HS6ST3: variants seen among roughly 807,000 people sequenced by gnomAD.
HS6ST3 encodes the protein heparan sulfate 6-O-sulfotransferase 3.
HS6ST3 carries 12 observed loss-of-function variants against 36.7 expected under a neutral mutation model. The ratio of observed to expected loss-of-function variants is 0.33; its 90% CI spans 0.21 to 0.53. HS6ST3 has a LOEUF of 0.53. Ranked by LOEUF, HS6ST3 falls within the 20% of genes least tolerant of loss-of-function variation. The pLI is 0.95. For synonymous variants in HS6ST3, 240 were observed against 257.5 expected, an observed-to-expected ratio of 0.93 and a Z score of 0.65; for missense variants, 584 against 640.9, an observed-to-expected ratio of 0.91 and a Z score of 0.96.
At chr13:96,778,603 A>T (rs944683900) in intron 1 of HS6ST3, among the ~76,000 whole-genome samples, 17 of 152,238 alleles carry the variant, frequency 1.1e-4, no homozygotes, top group African/African-American at 3.9e-4. Flanking sequence ...AAAAATGCAA[A>T]TCAAAACCGC....
intron 1 of HS6ST3, among the ~76,000 whole-genome samples, chr13:96,203,307 G>A (rs560417362): frequency 9.2e-5 from 14 of 152,232 alleles, no homozygotes; most frequent in African/African-American, 3.1e-4. Flanking sequence ...TTTACCAGCC[G>A]CGGCCTTCTC....
intron 1 of HS6ST3, among the ~76,000 whole-genome samples, chr13:96,133,381 C>T (rs961021756): frequency 2.0e-5 from 3 of 151,752 alleles, no homozygotes; most frequent in Non-Finnish European, 4.4e-5. Context: ...CCGCCTCGGT[C>T]TCCCAAAGTG....
intron 1 of HS6ST3, among the ~76,000 whole-genome samples, chr13:96,595,050 T>TTTGTG (rs1454706810): frequency 6.6e-6 from 1 of 152,150 alleles, no homozygotes; most frequent in Non-Finnish European, 1.5e-5. Flanking sequence ...TTGTTTTTGT[T>TTTGTG]TTGTGTTGTT....
intron 1 of HS6ST3, among the ~76,000 whole-genome samples, chr13:96,710,277 A>T (rs1418380897): frequency 2.0e-5 from 3 of 152,256 alleles, no homozygotes; most frequent in Non-Finnish European, 4.4e-5. Flanking sequence ...TAGAAATGAA[A>T]GATAAAGCAG....
intron 1 of HS6ST3, chr13:96,574,481 C>T (rs2056313524): frequency 7.0e-6 from 3 of 428,724 alleles, no homozygotes; most frequent in Non-Finnish European, 1.3e-5. Context: ...TCTTCATGCC[C>T]CGCCCCCTAC....
chr13:96,398,185 C>T lies in HS6ST3; in HGVS notation c.707+306616C>T, dbSNP rs572363072. Among the ~76,000 whole-genome samples the T allele has an allele frequency of 2.6e-5, 4 of 152,296 alleles. No individual in the cohort carries two copies. In the East Asian group the frequency reaches 7.7e-4, roughly 29 times the overall value. ...CGTAGGAAGTGCTGAACACATGCTG[C>T]TTTCTACTATGTTTCTTGTCATGGC... On this transcript the variant is annotated intron_variant, in intron 1 of 1. Transcript: ENST00000376705.
chr13:96,700,244 T>C (rs1424110014), intron 1 of HS6ST3, among the ~76,000 whole-genome samples: 1 of 152,156 alleles, frequency 6.6e-6, no homozygotes, highest in African/African-American at 2.4e-5. Flanking sequence ...AAATCTTACG[T>C]GGCAGCAGGC....
At chr13:96,101,039 G>A (rs986057446) in intron 1 of HS6ST3, among the ~76,000 whole-genome samples, 21 of 152,110 alleles carry the variant, frequency 1.4e-4, no homozygotes, top group African/African-American at 5.1e-4. Flanking sequence ...CAGACAAAGT[G>A]ACTTTTTGCT....
At chr13:96,145,667 A>G (rs1261479309) in intron 1 of HS6ST3, among the ~76,000 whole-genome samples, 3 of 151,886 alleles carry the variant, frequency 2.0e-5, no homozygotes, top group Non-Finnish European at 4.4e-5. Flanking sequence ...ATTAGATCCC[A>G]TTTGTCAATT....
intron 1 of HS6ST3, among the ~76,000 whole-genome samples, chr13:96,293,351 A>G (rs1348988274): frequency 6.6e-6 from 1 of 152,120 alleles, no homozygotes; most frequent in Non-Finnish European, 1.5e-5. Context: ...TTAGTTTGAT[A>G]TATCCAATTA....
At chr13:96,123,739 A>T (rs1392954944) in intron 1 of HS6ST3, among the ~76,000 whole-genome samples, 4 of 152,044 alleles carry the variant, frequency 2.6e-5, no homozygotes, top group Non-Finnish European at 5.9e-5. Flanking sequence ...TTCTCAGCGG[A>T]GTTTTGGCAT....
intron 1 of HS6ST3, among the ~76,000 whole-genome samples, chr13:96,113,070 G>T (rs1432850697): frequency 1.3e-5 from 2 of 152,186 alleles, no homozygotes; most frequent in Middle Eastern, 3.4e-3. Context: ...TGCCCTCATG[G>T]TGTGTGTGGT....
chr13:96,518,116 A>T (rs756312883), intron 1 of HS6ST3, among the ~76,000 whole-genome samples: 4 of 152,180 alleles, frequency 2.6e-5, no homozygotes, highest in African/African-American at 9.6e-5. Flanking sequence ...ATAGAAAGCC[A>T]TGCACCTTTC....
At chr13:96,375,984 T>C (rs1729039960) in intron 1 of HS6ST3, among the ~76,000 whole-genome samples, 2 of 152,162 alleles carry the variant, frequency 1.3e-5, no homozygotes, top group Non-Finnish European at 2.9e-5. Flanking sequence ...TTCCTGGCAT[T>C]TTGTTTCTTT....
chr13:96,354,117 A>G (rs2055198081), intron 1 of HS6ST3, among the ~76,000 whole-genome samples: 1 of 152,214 alleles, frequency 6.6e-6, no homozygotes, highest in Non-Finnish European at 1.5e-5. Flanking sequence ...ATAACTGAAA[A>G]TTGTCAACCA....
At chr13:96,583,208 T>TC (rs1246381042) in intron 1 of HS6ST3, among the ~76,000 whole-genome samples, 22 of 98,522 alleles carry the variant, frequency 2.2e-4, no homozygotes, top group East Asian at 1.3e-3. Flanking sequence ...TCTTTTCTTT[T>TC]TTTTTTTTTT....
chr13:96,228,343 C>T (rs549935871), intron 1 of HS6ST3, among the ~76,000 whole-genome samples: 8 of 152,244 alleles, frequency 5.3e-5, no homozygotes, highest in Non-Finnish European at 1.2e-4. Context: ...ACTGCAACCT[C>T]TGCCACCTGT....
chr13:96,487,241 A>C (rs377039649), intron 1 of HS6ST3, among the ~76,000 whole-genome samples: 1 of 152,128 alleles, frequency 6.6e-6, no homozygotes, highest in Non-Finnish European at 1.5e-5. Context: ...TGTGAAAAAA[A>C]ATAAGAAAAC....
At chr13:96,610,062 A>G (rs375196321) in intron 1 of HS6ST3, among the ~76,000 whole-genome samples, 3 of 152,180 alleles carry the variant, frequency 2.0e-5, no homozygotes, top group African/African-American at 7.2e-5. Flanking sequence ...CAGAAAACAG[A>G]TTCAAACATA....
Sources: allele counts gnomAD v4.1 joint callset (sites outside exome capture counted in the v4.1 genomes callset), GRCh38; gene constraint gnomAD v4.1.1; transcripts MANE v1.5; gene names NCBI Gene and HGNC (gene_info 2026-07-23, HGNC 2026-07-21).